DYDC2: variants seen among roughly 807,000 people sequenced by gnomAD.
DYDC2 encodes DPY30 domain containing 2.
DYDC2 carries 19 observed loss-of-function variants against 18.7 expected under a neutral mutation model. The ratio of observed to expected loss-of-function variants is 1.02; its 90% CI spans 0.71 to 1.49. DYDC2 has a LOEUF of 1.49. Ranked by LOEUF, DYDC2 falls within the 40% of genes most tolerant of loss-of-function variation. The pLI, the probability that DYDC2 is intolerant of heterozygous loss-of-function variation, is 0.00. For missense variants in DYDC2, 179 were observed against 205.1 expected, an observed-to-expected ratio of 0.87 and a Z score of 0.78; for synonymous variants, 63 against 67.6, an observed-to-expected ratio of 0.93 and a Z score of 0.34.
intron 4 of DYDC2, among the ~76,000 whole-genome samples, chr10:80,363,371 G>GTC (rs1843726289): frequency 2.5e-5 from 3 of 121,238 alleles, no homozygotes; most frequent in East Asian, 2.6e-4. Context: ...TTGAGATGGA[G>GTC]TCTCGCTCTG....
intron 1 of DYDC2, among the ~76,000 whole-genome samples, chr10:80,348,780 CTTAAT>C (rs1418632949): frequency 6.6e-6 from 1 of 152,186 alleles, no homozygotes; most frequent in Non-Finnish European, 1.5e-5. Context: ...AATGAATATG[CTTAAT>C]TTAAATTATA....
At chr10:80,364,620 T>G (rs976258551) in intron 4 of DYDC2, among the ~76,000 whole-genome samples, 2 of 152,222 alleles carry the variant, frequency 1.3e-5, no homozygotes, top group South Asian at 4.1e-4. Context: ...AAGATTTAGA[T>G]AAGTAAATGG....
rs1003529662 is a variant in DYDC2, at chr10:80,365,987, T to C, written c.271-701T>C. Among the ~76,000 whole-genome samples, 7 of 151,914 alleles carry C rather than the reference T, an allele frequency of 4.6e-5. No individual in the cohort carries two copies. The East Asian group carries it at 1.4e-3, about 29-fold the overall frequency. Reference sequence around the variant, plus strand: ...ATTTATAATAGCTGTCCTTGTCTGTTAATTCCACCATCTTTGTCATTTTGG... The same window carrying C: ...ATTTATAATAGCTGTCCTTGTCTGTCAATTCCACCATCTTTGTCATTTTGG... On this transcript the variant is annotated intron_variant, in intron 4 of 4. Transcript: ENST00000256039.
chr10:80,362,733 C>A, intron 3 of DYDC2, 143 bp downstream of exon 3: 1 of 1,391,572 alleles, frequency 7.2e-7, no homozygotes. Context: ...ATCCCTGAAG[C>A]ATGGGGATCC....
chr10:80,358,734 G>A (rs1430220630), intron 2 of DYDC2, among the ~76,000 whole-genome samples: 1 of 152,160 alleles, frequency 6.6e-6, no homozygotes, highest in Non-Finnish European at 1.5e-5. Flanking sequence ...CTGAGATTCT[G>A]CATCTCAACA....
In DYDC2 at chr10:80,367,945, ACT is replaced by A. The variant is rs3038630; in HGVS notation, c.*997_*998del. 0.75 allele frequency: 114,562 copies of A among 151,816 alleles called. 44,096 individuals are homozygous for A. Among genetic ancestry groups the A allele is most frequent in the East Asian group, 0.97 (5,008 of 5,164 alleles). The allele number at this position is 151,816 out of a possible 1,614,324, so 9.4% of individuals were successfully genotyped here. ...AACTCTTTCATCTTGCAAAACTGAA[ACT>A]CTACACCCATTAAAAAATAACTCGC... On this transcript the variant is annotated 3_prime_UTR_variant, in exon 5 of 5. Transcript: ENST00000256039.
chr10:80,357,142 G>C (rs1843432065), intron 1 of DYDC2, among the ~76,000 whole-genome samples: 1 of 148,450 alleles, frequency 6.7e-6, no homozygotes, highest in Admixed American at 6.7e-5. Flanking sequence ...CGGTGTGCAG[G>C]AGGGAGAGCG....
At chr10:80,359,636 G>A (rs1051480966) in intron 2 of DYDC2, among the ~76,000 whole-genome samples, 7 of 152,172 alleles carry the variant, frequency 4.6e-5, no homozygotes, top group South Asian at 2.1e-4. Flanking sequence ...CCGGAGCCCC[G>A]TGGGGAGGCA....
At position 80,366,992 on chromosome 10, in the gene DYDC2, C is replaced by G. The variant is rs766847843; in HGVS notation, c.*41C>G. On this transcript the variant is annotated 3_prime_UTR_variant, in exon 5 of 5. Transcript: ENST00000256039. The stretch of plus-strand genomic sequence containing the variant: ...TGCTTCTGATTTACTTCTCTCAAAG[C>G]TAGAAGCCAAGAAAATGGCCAGCTA... 3.8e-6 allele frequency: 6 copies of G among 1,560,464 alleles called. No homozygotes were observed. The highest frequency in any genetic ancestry group is 5.2e-6 in the Non-Finnish European group (6 of 1,157,732).
chr10:80,346,057 A>G (rs1842603131), intron 1 of DYDC2, among the ~76,000 whole-genome samples: 1 of 152,170 alleles, frequency 6.6e-6, no homozygotes, highest in Non-Finnish European at 1.5e-5. Flanking sequence ...TATGTTGCCC[A>G]AGCTGGTCTC....
chr10:80,358,978 C>T (rs1218898445), intron 2 of DYDC2, among the ~76,000 whole-genome samples: 2 of 152,104 alleles, frequency 1.3e-5, no homozygotes, highest in Admixed American at 6.5e-5. Context: ...GCAGTGCAGA[C>T]CCAAACAATG....
intron 1 of DYDC2, among the ~76,000 whole-genome samples, chr10:80,346,942 T>G (rs943228653): frequency 6.6e-6 from 1 of 151,520 alleles, no homozygotes; most frequent in Non-Finnish European, 1.5e-5. Flanking sequence ...TAGCCAGGTG[T>G]GGTGGCGGGT....
At chr10:80,346,501 C>A (rs1477548957) in intron 1 of DYDC2, among the ~76,000 whole-genome samples, 1 of 127,858 alleles carries the variant, frequency 7.8e-6, no homozygotes, top group East Asian at 2.6e-4. Flanking sequence ...CACTCTGTCA[C>A]CCAGGCTGGA....
At chr10:80,357,858 ACTCT>A in intron 1 of DYDC2, 31 bp from the exon 2 acceptor site, 1 of 985,476 alleles carries the variant, frequency 1.0e-6, no homozygotes, top group Non-Finnish European at 1.2e-6. Flanking sequence ...AGGTGGCAGA[ACTCT>A]CTCAATGAAT....
At chr10:80,354,478 C>A, upstream of DYDC2, 2 of 125,062 alleles carry the variant, frequency 1.6e-5, no homozygotes. Context: ...AAGAGTGAAA[C>A]TTCGTCTCAA....
intron 1 of DYDC2, among the ~76,000 whole-genome samples, chr10:80,347,722 T>C (rs1252944091): frequency 3.3e-5 from 5 of 152,182 alleles, no homozygotes; most frequent in African/African-American, 1.2e-4. Flanking sequence ...CCTTTTCCCT[T>C]TGTGTTTTCT....
At chr10:80,359,781 C>T (rs1041569545) in intron 2 of DYDC2, among the ~76,000 whole-genome samples, 1 of 152,214 alleles carries the variant, frequency 6.6e-6, no homozygotes, top group East Asian at 1.9e-4. Flanking sequence ...CCGGCTGATC[C>T]GAGTGCGGGG....
At position 80,366,990 on chromosome 10, in the gene DYDC2, A is replaced by G. The variant is rs763095231; in HGVS notation, c.*39A>G. 1.3e-6 allele frequency: 2 copies of G among 1,562,798 alleles called. No homozygotes were observed. Among genetic ancestry groups the G allele is most frequent in the Non-Finnish European group, 1.7e-6 (2 of 1,158,764 alleles). On this transcript the variant is annotated 3_prime_UTR_variant, in exon 5 of 5. Transcript: ENST00000256039. ...GATGCTTCTGATTTACTTCTCTCAA[A>G]GCTAGAAGCCAAGAAAATGGCCAGC...
intron 1 of DYDC2, among the ~76,000 whole-genome samples, chr10:80,347,293 T>TGC: frequency 7.0e-6 from 1 of 142,894 alleles, no homozygotes; most frequent in Non-Finnish European, 1.5e-5. Context: ...TTTTTTTTTT[T>TGC]TTTTTTTTTT....
Sources: allele counts gnomAD v4.1 joint callset (sites outside exome capture counted in the v4.1 genomes callset), GRCh38; gene constraint gnomAD v4.1.1; transcripts MANE v1.5; gene names NCBI Gene and HGNC (gene_info 2026-07-23, HGNC 2026-07-21).